Variants in GOLIM4 observed in about 807,000 individuals in gnomAD.
GOLIM4 encodes the protein 130 kDa golgi-localized phosphoprotein.
A neutral mutation model predicts 107.4 loss-of-function variants in GOLIM4; 71 were observed. The observed-to-expected ratio is 0.66, with a 90% CI of 0.55 to 0.81. GOLIM4 has a LOEUF of 0.81. GOLIM4 is among the 30% of genes least tolerant of loss of function. The pLI is 0.00. For synonymous variants in GOLIM4, 327 were observed against 294.8 expected (o/e 1.11, Z -1.12); for missense variants, 830 against 826.1 (o/e 1.00, Z -0.06).
intron 13 of GOLIM4, 54 bp downstream of exon 13, chr3:168,024,874 A>T: frequency 6.6e-7 from 1 of 1,513,146 alleles, no homozygotes; most frequent in Non-Finnish European, 9.1e-7. Context: ...CATAAACCAG[A>T]TGTTTCTTAA....
intron 14 of GOLIM4, among the ~76,000 whole-genome samples, chr3:168,019,928 G>C (rs1010214130): frequency 6.7e-6 from 1 of 149,790 alleles, no homozygotes; most frequent in East Asian, 1.9e-4. Context: ...CTGTTGCTTA[G>C]ATCAATTGCT....
At chr3:168,066,716 C>T (rs780148228) in intron 1 of GOLIM4, among the ~76,000 whole-genome samples, 6 of 152,024 alleles carry the variant, frequency 3.9e-5, no homozygotes, top group Non-Finnish European at 7.4e-5. Flanking sequence ...TGTACTTTGT[C>T]GGTGAACAAG....
chr3:168,055,026 G>A (rs1194249441), intron 1 of GOLIM4, among the ~76,000 whole-genome samples: 1 of 152,136 alleles, frequency 6.6e-6, no homozygotes, highest in Non-Finnish European at 1.5e-5. Flanking sequence ...AAGCCATGTG[G>A]AACTGTAAGT....
In GOLIM4 at chr3:168,010,383, T is replaced by C; in HGVS notation, c.1977A>G (p.Glu659=). 2 of 1,610,564 alleles carry C rather than the reference T, an allele frequency of 1.2e-6. No individual in the cohort carries two copies. Among genetic ancestry groups the C allele is most frequent in the Non-Finnish European group, 1.7e-6 (2 of 1,177,204 alleles). The change falls in exon 16 of 16, where the codon GAA becomes GAG. Residue 659 remains glutamate (E), a synonymous_variant. Coordinates refer to ENST00000470487, the MANE Select transcript of GOLIM4 (RefSeq NM_014498.5). ...DDKNNDGEEQ[E]VRDDNRPKGR... The stretch of plus-strand genomic sequence containing the variant: ...CTTTGGGGCGGTTGTCATCTCGAAC[T>C]TCTTGCTCTTCTCCATCATTATTTT...
intron 14 of GOLIM4, among the ~76,000 whole-genome samples, chr3:168,014,176 T>C (rs1012910542): frequency 2.0e-5 from 3 of 150,804 alleles, no homozygotes; most frequent in African/African-American, 7.4e-5. Context: ...GAGAAGAATC[T>C]AATAGATGCA....
At chr3:168,065,929 G>A (rs1410740018) in intron 1 of GOLIM4, among the ~76,000 whole-genome samples, 21 of 152,178 alleles carry the variant, frequency 1.4e-4, no homozygotes, top group Admixed American at 1.4e-3. Flanking sequence ...GATTTCTAAA[G>A]CCTCTTTCTG....
intron 1 of GOLIM4, 148 bp from the exon 2 acceptor site, chr3:168,048,513 T>G (rs1719441711): frequency 8.7e-6 from 5 of 574,502 alleles, no homozygotes; most frequent in Non-Finnish European, 1.5e-5. Flanking sequence ...CCTTTCCAGG[T>G]AAAGAACAGA....
chr3:168,026,350 C>A (rs545703442), intron 12 of GOLIM4, among the ~76,000 whole-genome samples: 1 of 152,256 alleles, frequency 6.6e-6, no homozygotes, highest in East Asian at 1.9e-4. Context: ...TACCAAATAT[C>A]TTTTGCAAAC....
At chr3:168,055,726 C>T (rs192269685) in intron 1 of GOLIM4, among the ~76,000 whole-genome samples, 1,713 of 149,014 alleles carry the variant, frequency 0.011, 38 homozygotes, top group African/African-American at 0.04. Context: ...GGTGTGAACC[C>T]AGGAGGCGGA....
chr3:168,086,435 T>G (rs186024406), intron 1 of GOLIM4, among the ~76,000 whole-genome samples: 88 of 152,274 alleles, frequency 5.8e-4, no homozygotes, highest in African/African-American at 2.0e-3. Context: ...TAACAAAGAT[T>G]CCAATTAAAG....
At position 168,009,003 on chromosome 3, in the gene GOLIM4, AAAATG is replaced by A. The variant is rs764535475; in HGVS notation, c.*1261_*1265del. ...TAAAATTACGTTCATACAATGGTAG[AAAATG>A]AAATGTTTTTATTAATTTGATTATT... On this transcript the variant is annotated 3_prime_UTR_variant, in exon 16 of 16. Coordinates refer to ENST00000470487, the MANE Select transcript of GOLIM4 (RefSeq NM_014498.5). The A allele has an allele frequency of 5.9e-5, 9 of 152,164 alleles. No individual in the cohort carries two copies. The highest frequency in any genetic ancestry group is 1.2e-4 in the Non-Finnish European group (8 of 67,996). The allele number at this position is 152,164 out of a possible 1,614,324, so 9.4% of individuals were successfully genotyped here. A position where few individuals can be genotyped will look rare whatever the true frequency, so the allele number is the denominator to read the frequency against.
At chr3:168,012,579 C>A (rs1272898770) in intron 14 of GOLIM4, among the ~76,000 whole-genome samples, 2 of 139,654 alleles carry the variant, frequency 1.4e-5, no homozygotes, top group Non-Finnish European at 3.0e-5. Flanking sequence ...CTCCAAGACA[C>A]ATAATTGTCA....
chr3:168,030,484 T>C (rs1206497965), intron 9 of GOLIM4, among the ~76,000 whole-genome samples: 1 of 138,616 alleles, frequency 7.2e-6, no homozygotes, highest in Non-Finnish European at 1.5e-5. Flanking sequence ...TAGTAATGTA[T>C]ATACCAATCC....
intron 1 of GOLIM4, among the ~76,000 whole-genome samples, chr3:168,067,941 A>C (rs1720635018): frequency 1.3e-5 from 2 of 152,224 alleles, no homozygotes; most frequent in South Asian, 4.1e-4. Flanking sequence ...TTTCTTTCAG[A>C]GTTTTTTTTA....
At chr3:168,080,526 C>T (rs188539196) in intron 1 of GOLIM4, among the ~76,000 whole-genome samples, 16 of 152,320 alleles carry the variant, frequency 1.1e-4, no homozygotes, top group Admixed American at 4.6e-4. Context: ...ACAGCGCAGT[C>T]GCCAAGTCAT....
At chr3:168,062,615 T>C (rs1720335023) in intron 1 of GOLIM4, among the ~76,000 whole-genome samples, 1 of 152,140 alleles carries the variant, frequency 6.6e-6, no homozygotes, top group Admixed American at 6.5e-5. Context: ...CTATTTAAAA[T>C]AAAGCCTTGG....
At chr3:168,063,631 A>T (rs1244612338) in intron 1 of GOLIM4, among the ~76,000 whole-genome samples, 2 of 151,344 alleles carry the variant, frequency 1.3e-5, no homozygotes, top group African/African-American at 4.9e-5. Context: ...AAAAGCCTTC[A>T]AGAGTAGAAG....
intron 2 of GOLIM4, among the ~76,000 whole-genome samples, chr3:168,047,716 T>G (rs1719394008): frequency 6.6e-6 from 1 of 152,210 alleles, no homozygotes; most frequent in African/African-American, 2.4e-5. Flanking sequence ...GGCCTGTGTT[T>G]TATGGAAAAA....
At chr3:168,022,528 G>A (rs931717944) in intron 14 of GOLIM4, among the ~76,000 whole-genome samples, 1 of 152,102 alleles carries the variant, frequency 6.6e-6, no homozygotes, top group Non-Finnish European at 1.5e-5. Context: ...TATCACTAGT[G>A]CTTAAATGGT....
Sources: gnomAD v4.1 joint callset for allele counts (sites outside exome capture counted in the v4.1 genomes callset) on GRCh38, gnomAD v4.1.1 for gene constraint, MANE v1.5 for transcripts, NCBI Gene and HGNC (gene_info 2026-07-23, HGNC 2026-07-21) for gene names.